The following KYNU variants were observed in gnomAD, a reference collection of about 807,000 sequenced individuals.
KYNU encodes the protein L-kynurenine hydrolase.
Under a neutral mutation model 59.2 loss-of-function variants are expected in KYNU, and 54 were observed. That is an observed-to-expected ratio of 0.91 (90% CI 0.73 to 1.14). The LOEUF (loss-of-function observed/expected upper bound fraction) is 1.14, where lower values mean the gene tolerates loss of function less well. Among genes scored for constraint, KYNU ranks in the 50% most tolerant of loss-of-function variants. KYNU has a pLI of 0.00. For synonymous variants in KYNU, 177 were observed against 192.0 expected, an observed-to-expected ratio of 0.92 and a Z score of 0.65; for missense variants, 567 against 554.4, an observed-to-expected ratio of 1.02 and a Z score of -0.23.
intron 2 of KYNU, among the ~76,000 whole-genome samples, chr2:142,907,886 A>G (rs1682353680): frequency 6.6e-6 from 1 of 152,218 alleles, no homozygotes; most frequent in South Asian, 2.1e-4. Context: ...AAATCCAGCT[A>G]GTCCTGTCTC....
rs201419661 is a variant in KYNU, at chr2:142,979,966, A to G, written c.730-5118A>G. Among the ~76,000 whole-genome samples, 10 of 152,262 alleles carry G rather than the reference A, an allele frequency of 6.6e-5. No individual in the cohort carries two copies. The East Asian group carries it at 1.9e-3, about 30-fold the overall frequency. The stretch of plus-strand genomic sequence containing the variant: ...AAAAGAATGTCTACTCCATAGGCAG[A>G]GCAGCCCCGAGGACTGCTGGTTGCC... On this transcript the variant is annotated intron_variant, in intron 8 of 13. Transcript: ENST00000264170.
intron 8 of KYNU, among the ~76,000 whole-genome samples, chr2:142,961,049 T>C (rs1684328467): frequency 6.6e-6 from 1 of 151,790 alleles, no homozygotes. Context: ...AAAAATTAGC[T>C]GGGCATGGTG....
intron 10 of KYNU, among the ~76,000 whole-genome samples, chr2:142,989,189 T>G (rs1221198122): frequency 6.6e-6 from 1 of 151,954 alleles, no homozygotes; most frequent in African/African-American, 2.4e-5. Context: ...CACGGTCAAA[T>G]CCAATTTAAA....
chr2:143,019,271 T>C (rs1686342171), intron 10 of KYNU, among the ~76,000 whole-genome samples: 1 of 152,170 alleles, frequency 6.6e-6, no homozygotes, highest in Non-Finnish European at 1.5e-5. Context: ...GCTGTGGGTT[T>C]GTCATCTATG....
At chr2:142,918,025 C>T (rs1682722927) in intron 2 of KYNU, among the ~76,000 whole-genome samples, 1 of 152,150 alleles carries the variant, frequency 6.6e-6, no homozygotes, top group Admixed American at 6.5e-5. Context: ...GGATAAAAAT[C>T]ATCAAAGTTT....
In KYNU at chr2:142,989,605, G is replaced by A. The variant is rs563603754; in HGVS notation, c.902+3584G>A. On this transcript the variant is annotated intron_variant, in intron 10 of 13. Coordinates refer to ENST00000264170, the MANE Select transcript of KYNU (RefSeq NM_003937.3). ...TTTGAAGTATATATGTTTGAATTAT[G>A]TGTTCTTCTTTTTGACAATTTGACT... The A allele has an allele frequency of 2.3e-4, 140 of 614,494 alleles. 1 individual carries two copies. In the Middle Eastern group the frequency reaches 4.1e-3, roughly 18 times the overall value. The allele number at this position is 614,494 out of a possible 1,614,324, so 38.1% of individuals were successfully genotyped here.
intron 2 of KYNU, among the ~76,000 whole-genome samples, chr2:142,913,919 G>T (rs1258935390): frequency 6.6e-6 from 1 of 152,182 alleles, no homozygotes; most frequent in African/African-American, 2.4e-5. Context: ...TATTCTTGTT[G>T]CATTGAACAT....
intron 13 of KYNU, among the ~76,000 whole-genome samples, chr2:143,041,756 AC>A (rs1687065269): frequency 6.6e-6 from 1 of 151,978 alleles, no homozygotes; most frequent in Non-Finnish European, 1.5e-5. Context: ...GAAAAAAAAA[AC>A]AAAATGTATT....
At chr2:142,923,710 A>G (rs183152594) in intron 3 of KYNU, among the ~76,000 whole-genome samples, 1 of 152,334 alleles carries the variant, frequency 6.6e-6, no homozygotes, top group Admixed American at 6.5e-5. Context: ...GAATCACAAT[A>G]TTTTAGGTCA....
chr2:142,927,412 TA>T (rs1212060987), intron 3 of KYNU, among the ~76,000 whole-genome samples: 1 of 151,430 alleles, frequency 6.6e-6, no homozygotes, highest in African/African-American at 2.4e-5. Context: ...AGCAAAATAT[TA>T]AAATAACATA....
intron 4 of KYNU, among the ~76,000 whole-genome samples, chr2:142,942,756 G>A (rs1683644991): frequency 6.6e-6 from 1 of 152,190 alleles, no homozygotes; most frequent in African/African-American, 2.4e-5. Flanking sequence ...CAAGTGCATG[G>A]TTTGACCTTT....
intron 8 of KYNU, among the ~76,000 whole-genome samples, chr2:142,962,977 C>G (rs2105104256): frequency 6.6e-6 from 1 of 152,180 alleles, no homozygotes; most frequent in South Asian, 2.1e-4. Context: ...AAGGGCATGA[C>G]ACAGTCACTG....
chr2:143,028,834 G>C (rs1363734486), intron 10 of KYNU, among the ~76,000 whole-genome samples: 3 of 145,392 alleles, frequency 2.1e-5, no homozygotes, highest in Admixed American at 1.4e-4. Context: ...GGCAACAAGA[G>C]CAAAACTCTG....
In KYNU at chr2:143,042,836, T is replaced by A. The variant is rs1353045374; in HGVS notation, c.*664T>A. On this transcript the variant is annotated 3_prime_UTR_variant, in exon 14 of 14. Transcript: ENST00000264170. The stretch of plus-strand genomic sequence containing the variant: ...TTTGAAAGAGGACCCATCTTTCAAT[T>A]TTCGATCAATAGTTTCTTACAGTCA... 1 of 151,684 alleles carries A rather than the reference T, an allele frequency of 6.6e-6. No individual in the cohort carries two copies. The highest frequency in any genetic ancestry group is 1.5e-5 in the Non-Finnish European group (1 of 67,870). The allele number at this position is 151,684 out of a possible 1,614,324, so 9.4% of individuals were successfully genotyped here.
chr2:142,916,456 C>T (rs1461736275), intron 2 of KYNU, among the ~76,000 whole-genome samples: 2 of 152,108 alleles, frequency 1.3e-5, no homozygotes, highest in Non-Finnish European at 2.9e-5. Context: ...GCTTGGAAAG[C>T]CTGAAATATT....
At chr2:142,902,896 A>G (rs530228047) in intron 2 of KYNU, among the ~76,000 whole-genome samples, 2 of 152,344 alleles carry the variant, frequency 1.3e-5, no homozygotes, top group Admixed American at 6.5e-5. Flanking sequence ...GGTTTGAAGC[A>G]TCTTTAAAGG....
chr2:142,923,729 G>A (rs1321109959), intron 3 of KYNU, among the ~76,000 whole-genome samples: 2 of 152,196 alleles, frequency 1.3e-5, no homozygotes, highest in Non-Finnish European at 2.9e-5. Flanking sequence ...CATTTACATT[G>A]TCAAATCTGC....
At chr2:142,996,194 G>T (rs570141278) in intron 10 of KYNU, among the ~76,000 whole-genome samples, 2 of 152,124 alleles carry the variant, frequency 1.3e-5, no homozygotes, top group South Asian at 4.1e-4. Flanking sequence ...GCTTTTTGTA[G>T]TAGGCCATCC....
intron 12 of KYNU, among the ~76,000 whole-genome samples, chr2:143,033,963 T>C (rs898808669): frequency 6.6e-6 from 1 of 152,128 alleles, no homozygotes; most frequent in African/African-American, 2.4e-5. Flanking sequence ...ACTGACTCAA[T>C]ATTTTCCTTT....
Sources: gnomAD v4.1 joint callset for allele counts (sites outside exome capture counted in the v4.1 genomes callset) on GRCh38, gnomAD v4.1.1 for gene constraint, MANE v1.5 for transcripts, NCBI Gene and HGNC (gene_info 2026-07-23, HGNC 2026-07-21) for gene names.